CEP55: variants seen among roughly 807,000 people sequenced by gnomAD.
CEP55 encodes centrosomal protein of 55 kDa.
A neutral mutation model predicts 63.2 loss-of-function variants in CEP55; 57 were observed. That is an observed-to-expected ratio of 0.90 (90% CI 0.73 to 1.13). The LOEUF (loss-of-function observed/expected upper bound fraction) is 1.13, where lower values mean the gene tolerates loss of function less well. CEP55 is among the 50% of genes most tolerant of loss of function. CEP55 has a pLI of 0.00. For missense variants in CEP55, 456 were observed against 518.9 expected (o/e 0.88, Z 1.18); for synonymous variants, 178 against 191.6 (o/e 0.93, Z 0.59).
chr10:93,527,506 A>G (rs964376293), intron 8 of CEP55, among the ~76,000 whole-genome samples: 1 of 152,172 alleles, frequency 6.6e-6, no homozygotes, highest in Non-Finnish European at 1.5e-5. Flanking sequence ...AATACTGATG[A>G]GCTGAAATTC....
At chr10:93,510,855 C>A (rs371004104) in intron 4 of CEP55, among the ~76,000 whole-genome samples, 146 of 151,726 alleles carry the variant, frequency 9.6e-4, no homozygotes, top group African/African-American at 3.5e-3. Flanking sequence ...TTTTAATCTA[C>A]GTTGGTTGGA....
In CEP55 at chr10:93,508,048, G is replaced by C. The variant is rs561436969; in HGVS notation, c.528+992G>C. Among the ~76,000 whole-genome samples, 63 of 152,274 alleles carry C rather than the reference G, an allele frequency of 4.1e-4. 1 individual carries two copies. Among genetic ancestry groups the C allele is most frequent in the Middle Eastern group, 6.8e-3 (2 of 294 alleles). ...GTTTGAATACTTCTCTTGAAACTAA[G>C]GTTTGCTTTCGTAGGTTGAAAAGGA... On this transcript the variant is annotated intron_variant, in intron 4 of 8. Transcript: ENST00000371485.
intron 4 of CEP55, among the ~76,000 whole-genome samples, chr10:93,511,096 G>A (rs900178412): frequency 1.3e-5 from 2 of 151,910 alleles, no homozygotes; most frequent in South Asian, 2.1e-4. Flanking sequence ...CTGCCATTGC[G>A]CCTGGCTAAT....
At chr10:93,524,364 A>G (rs902864918) in intron 8 of CEP55, among the ~76,000 whole-genome samples, 3 of 152,116 alleles carry the variant, frequency 2.0e-5, no homozygotes, top group African/African-American at 7.2e-5. Flanking sequence ...TCCTCGACAC[A>G]TACACCCTCC....
intron 8 of CEP55, among the ~76,000 whole-genome samples, chr10:93,525,759 A>C (rs938735993): frequency 6.6e-6 from 1 of 152,016 alleles, no homozygotes; most frequent in African/African-American, 2.4e-5. Flanking sequence ...ATGGAACAGA[A>C]CAGAGCCCTC....
chr10:93,516,251 G>C (rs1417681228), intron 5 of CEP55, among the ~76,000 whole-genome samples: 3 of 152,184 alleles, frequency 2.0e-5, no homozygotes, highest in East Asian at 1.9e-4. Flanking sequence ...TCTAAAGAAA[G>C]GGGAACAAGA....
At chr10:93,511,319 A>G (rs1426002770) in intron 4 of CEP55, among the ~76,000 whole-genome samples, 1 of 152,162 alleles carries the variant, frequency 6.6e-6, no homozygotes, top group African/African-American at 2.4e-5. Flanking sequence ...TGCATGCCTA[A>G]CAAACGTATA....
chr10:93,503,512 A>G (rs1219149729), intron 3 of CEP55, 124 bp downstream of exon 3: 1 of 933,976 alleles, frequency 1.1e-6, no homozygotes, highest in Non-Finnish European at 1.6e-6. Context: ...AGTATAGTAT[A>G]CTATCAGGTC....
intron 6 of CEP55, 140 bp from the exon 7 acceptor site, chr10:93,518,737 C>G (rs1404088413): frequency 8.8e-6 from 5 of 570,094 alleles, no homozygotes; most frequent in Non-Finnish European, 1.6e-5. Context: ...ATCAGATGGC[C>G]AGCTGGAATG....
chr10:93,512,951 A>G (rs576442411), intron 4 of CEP55, among the ~76,000 whole-genome samples: 1 of 152,350 alleles, frequency 6.6e-6, no homozygotes, highest in East Asian at 1.9e-4. Flanking sequence ...AATGTCAAAC[A>G]TACACAAAAG....
In CEP55 at chr10:93,506,948, G is replaced by A. The variant is rs201110120; in HGVS notation, c.460-40G>A. The A allele has an allele frequency of 2.0e-3, 2,617 of 1,284,750 alleles. 5 individuals are homozygous for A. The highest frequency in any genetic ancestry group is 2.5e-3 in the Non-Finnish European group (2,232 of 879,790). 79.6% of individuals were successfully genotyped at this position (1,284,750 alleles called of 1,614,324 possible). ...TGAATGTAATGAGGCAACTTCTATT[G>A]TGGAATGTCTGATGTTAACTAATGT... On this transcript the variant is annotated intron_variant, in intron 3 of 8. Transcript: ENST00000371485.
chr10:93,515,671 CT>C, intron 5 of CEP55, 116 bp downstream of exon 5: 1 of 1,047,738 alleles, frequency 9.5e-7, no homozygotes, highest in Non-Finnish European at 1.3e-6. Context: ...AAGAGCAAGT[CT>C]TATAGCCCTG....
chr10:93,519,227 G>A, intron 7 of CEP55: 3 of 438,220 alleles, frequency 6.8e-6, no homozygotes, highest in Non-Finnish European at 1.2e-5. Context: ...CTCTTCCCCA[G>A]TGGCTGTAGC....
At chr10:93,502,937 C>G (rs1310441396) in intron 2 of CEP55, among the ~76,000 whole-genome samples, 176 bp from the exon 3 acceptor site, 1 of 152,206 alleles carries the variant, frequency 6.6e-6, no homozygotes, top group Non-Finnish European at 1.5e-5. Context: ...CATTGGCTTA[C>G]TTCTCTGTGA....
At chr10:93,524,120 A>G (rs1185557290) in intron 8 of CEP55, among the ~76,000 whole-genome samples, 1 of 152,192 alleles carries the variant, frequency 6.6e-6, no homozygotes, top group Admixed American at 6.5e-5. Flanking sequence ...AGAGACACAA[A>G]AAAACTTTCA....
intron 5 of CEP55, among the ~76,000 whole-genome samples, chr10:93,516,182 G>A (rs1467594687): frequency 6.6e-6 from 1 of 152,142 alleles, no homozygotes; most frequent in African/African-American, 2.4e-5. Flanking sequence ...TCCATGCAAT[G>A]CTCTCCTTAA....
chr10:93,518,962 T>C lies in CEP55; in HGVS notation c.1065+14T>C. 3 of 1,605,820 alleles carry C rather than the reference T, an allele frequency of 1.9e-6. No individual in the cohort carries two copies. The highest frequency in any genetic ancestry group is 2.6e-6 in the Non-Finnish European group (3 of 1,172,474). Reference sequence around the variant, plus strand: ...TTGGAACAACAGGTACTCATTCGGGTTGCTTCTAAATTCAATTCTGCCTGT... The same window carrying C: ...TTGGAACAACAGGTACTCATTCGGGCTGCTTCTAAATTCAATTCTGCCTGT... On this transcript the variant is annotated intron_variant, in intron 7 of 8. Transcript: ENST00000371485.
chr10:93,522,947 G>C (rs112414479), intron 8 of CEP55, among the ~76,000 whole-genome samples: 1 of 152,054 alleles, frequency 6.6e-6, no homozygotes, highest in Non-Finnish European at 1.5e-5. Context: ...AGCACTAAAC[G>C]TGGAAAGGAA....
At chr10:93,502,012 A>G (rs539731171) in intron 2 of CEP55, among the ~76,000 whole-genome samples, 15 of 152,340 alleles carry the variant, frequency 9.8e-5, no homozygotes, top group South Asian at 2.1e-4. Flanking sequence ...GTTACACAGA[A>G]CAAGTCTTAT....
Sources: gnomAD v4.1 joint callset for allele counts (sites outside exome capture counted in the v4.1 genomes callset) on GRCh38, gnomAD v4.1.1 for gene constraint, MANE v1.5 for transcripts, NCBI Gene and HGNC (gene_info 2026-07-23, HGNC 2026-07-21) for gene names.